The following RCBTB2 variants were observed in gnomAD, a reference collection of about 807,000 sequenced individuals.
The protein encoded by RCBTB2 is RCC1 and BTB domain containing protein 2, also known as RCC1 and BTB domain-containing protein 2.
In RCBTB2, 55 loss-of-function variants were observed where a neutral mutation model predicts 65.4. The ratio of observed to expected loss-of-function variants is 0.84; its 90% CI spans 0.68 to 1.05. RCBTB2 has a LOEUF of 1.05. Ranked by LOEUF, RCBTB2 falls within the 50% of genes least tolerant of loss-of-function variation. The probability of loss-of-function intolerance (pLI) is 0.00; values close to 1 mark genes in which losing one functional copy is unlikely to be tolerated. For synonymous variants in RCBTB2, 220 were observed against 255.2 expected, an observed-to-expected ratio of 0.86 and a Z score of 1.31; for missense variants, 599 against 680.1, an observed-to-expected ratio of 0.88 and a Z score of 1.33.
rs1949622165 is a variant in RCBTB2 at position 48,489,820 on chromosome 13, C to A, written c.*291G>T. ...GGGCCAGAATAGCATATACTGAGAC[C>A]AGGGTACCAAAGGTGTCCAATTTAA... On this transcript the variant is annotated 3_prime_UTR_variant, in exon 15 of 15. Coordinates refer to ENST00000344532, the MANE Select transcript of RCBTB2 (RefSeq NM_001268.4). The A allele has an allele frequency of 2.5e-6, 1 of 399,940 alleles. No individual in the cohort carries two copies. Among genetic ancestry groups the A allele is most frequent in the Non-Finnish European group, 4.6e-6 (1 of 217,856 alleles). The allele number at this position is 399,940 out of a possible 1,614,324, so 24.8% of individuals were successfully genotyped here.
At chr13:48,504,766 C>A (rs572208740) in intron 10 of RCBTB2, among the ~76,000 whole-genome samples, 1 of 152,362 alleles carries the variant, frequency 6.6e-6, no homozygotes, top group Admixed American at 6.5e-5. Flanking sequence ...CCCACTGACA[C>A]GGGCTAGCAC....
intron 13 of RCBTB2, among the ~76,000 whole-genome samples, chr13:48,497,802 A>G (rs1285449129): frequency 6.6e-6 from 1 of 152,240 alleles, no homozygotes; most frequent in African/African-American, 2.4e-5. Context: ...TATAGAGGAA[A>G]GACAGATAGC....
chr13:48,503,253 C>CA (rs1341546390), intron 10 of RCBTB2, among the ~76,000 whole-genome samples: 2 of 151,768 alleles, frequency 1.3e-5, no homozygotes, highest in Non-Finnish European at 1.5e-5. Flanking sequence ...TCCCCCCTAC[C>CA]AAAAAAGGGT....
At chr13:48,530,508 T>G (rs900935937) in intron 1 of RCBTB2, among the ~76,000 whole-genome samples, 1 of 152,274 alleles carries the variant, frequency 6.6e-6, no homozygotes, top group Non-Finnish European at 1.5e-5. Flanking sequence ...TAGTTAGGTC[T>G]ATCTGGTTCA....
At chr13:48,504,335 A>G (rs1950384691) in intron 10 of RCBTB2, 1 of 985,296 alleles carries the variant, frequency 1.0e-6, no homozygotes, top group African/African-American at 1.7e-5. Context: ...AACTCCATCC[A>G]TGATTTGGCG....
Position 48,525,646 on chromosome 13 carries a change from A to G in RCBTB2, c.-218-889T>C, listed in dbSNP as rs183795175. On this transcript the variant is annotated intron_variant, in intron 1 of 14. Transcript: ENST00000344532. ...CAATTTTAGCAACACTGCCCTAGAT[A>G]AACTCTAGAGCATACACACAAATAT... Among the ~76,000 whole-genome samples the G allele has an allele frequency of 4.6e-5, 7 of 152,010 alleles. No homozygotes were observed. The East Asian group carries it at 1.2e-3, about 25-fold the overall frequency.
In RCBTB2 at chr13:48,515,759, T is replaced by C. The variant is rs1394397881; in HGVS notation, c.43-18A>G. ...TGTACTGGCTGAAAAGGAAAAAATATATGTTGAAATGACAAATTAAAAAGT... is the reference window on the plus strand; with the variant it reads ...TGTACTGGCTGAAAAGGAAAAAATACATGTTGAAATGACAAATTAAAAAGT... On this transcript the variant is annotated intron_variant, in intron 4 of 14. Coordinates refer to ENST00000344532, the MANE Select transcript of RCBTB2 (RefSeq NM_001268.4). 1.3e-6 allele frequency: 2 copies of C among 1,586,938 alleles called. No homozygotes were observed. Among genetic ancestry groups the C allele is most frequent in the South Asian group, 1.2e-5 (1 of 86,482 alleles).
intron 1 of RCBTB2, among the ~76,000 whole-genome samples, chr13:48,525,236 A>G (rs1951644671): frequency 6.6e-6 from 1 of 151,532 alleles, no homozygotes; most frequent in African/African-American, 2.4e-5. Flanking sequence ...AAAATATGCC[A>G]CAGAATGGGG....
chr13:48,533,221 C>A, upstream of RCBTB2: 1 of 338,630 alleles, frequency 3.0e-6, no homozygotes, highest in Non-Finnish European at 5.8e-6. Flanking sequence ...CGGCGTCTCG[C>A]CCCTCCTCTC....
intron 10 of RCBTB2, among the ~76,000 whole-genome samples, chr13:48,505,807 C>T (rs1950473394): frequency 6.6e-6 from 1 of 152,152 alleles, no homozygotes; most frequent in Non-Finnish European, 1.5e-5. Flanking sequence ...GCAATCCTCT[C>T]ACGGTTTGTG....
At chr13:48,493,264 T>TACACACACACACACACACACAC (rs1566253976) in intron 14 of RCBTB2, among the ~76,000 whole-genome samples, 3 of 88,074 alleles carry the variant, frequency 3.4e-5, no homozygotes, top group South Asian at 3.3e-4. Context: ...CACACACTCT[T>TACACACACACACACACACACAC]CTCTCTCTCA....
chr13:48,501,945 T>C, intron 11 of RCBTB2, 77 bp from the exon 12 acceptor site: 1 of 1,267,104 alleles, frequency 7.9e-7, no homozygotes, highest in East Asian at 2.5e-5. Flanking sequence ...GGCACTACTC[T>C]ACTGGTACTC....
intron 4 of RCBTB2, among the ~76,000 whole-genome samples, chr13:48,515,956 C>A (rs769228635): frequency 1.3e-5 from 2 of 152,224 alleles, no homozygotes; most frequent in Non-Finnish European, 2.9e-5. Flanking sequence ...AACCAGGTCT[C>A]CCCTACTCAT....
intron 14 of RCBTB2, among the ~76,000 whole-genome samples, chr13:48,494,106 T>G (rs888298953): frequency 1.3e-5 from 2 of 152,236 alleles, no homozygotes; most frequent in Non-Finnish European, 2.9e-5. Flanking sequence ...AAGCTTCAGT[T>G]TTCTCATTTA....
chr13:48,512,060 C>T lies in RCBTB2; in HGVS notation c.631G>A (p.Ala211Thr), dbSNP rs1351383575. ...GCCATGCAGCACATCTGCCCACATG[C>T]TATGGTCACAACTACTTTATTTTGT... Reference protein sequence around the residue: ...CLQNKVVVTIACGQMCCMAVV... With the variant: ...CLQNKVVVTITCGQMCCMAVV... Residue 211 changes from alanine (A) to threonine (T), a missense_variant, in exon 8 of 15, where the codon GCA becomes ACA. By Grantham distance (58) the Ala-to-Thr change is moderately conservative. Coordinates refer to ENST00000344532, the MANE Select transcript of RCBTB2 (RefSeq NM_001268.4). The T allele has an allele frequency of 3.1e-6, 5 of 1,614,102 alleles. No individual in the cohort carries two copies. The highest frequency in any genetic ancestry group is 4.2e-6 in the Non-Finnish European group (5 of 1,180,038).
intron 2 of RCBTB2, 45 bp from the exon 3 acceptor site, chr13:48,522,448 G>T: frequency 1.2e-6 from 1 of 847,960 alleles, no homozygotes; most frequent in Non-Finnish European, 1.9e-6. Context: ...TGAAAAAAAT[G>T]AATGAATGAA....
At chr13:48,501,661 G>T in intron 12 of RCBTB2, 81 bp downstream of exon 12, 1 of 1,189,064 alleles carries the variant, frequency 8.4e-7, no homozygotes, top group Non-Finnish European at 1.2e-6. Flanking sequence ...TGATTACTGA[G>T]GTGCCTAATA....
At chr13:48,529,331 A>C (rs1428656703) in intron 1 of RCBTB2, among the ~76,000 whole-genome samples, 1 of 152,214 alleles carries the variant, frequency 6.6e-6, no homozygotes, top group Non-Finnish European at 1.5e-5. Flanking sequence ...TATTCCTTCA[A>C]CATGGCAGGC....
intron 10 of RCBTB2, among the ~76,000 whole-genome samples, chr13:48,509,483 C>T: frequency 6.6e-6 from 1 of 152,118 alleles, no homozygotes; most frequent in East Asian, 1.9e-4. Flanking sequence ...AGGACTGTCC[C>T]TTCTCTTCTG....
Sources: gnomAD v4.1 joint callset for allele counts (sites outside exome capture counted in the v4.1 genomes callset) on GRCh38, gnomAD v4.1.1 for gene constraint, MANE v1.5 for transcripts, NCBI Gene and HGNC (gene_info 2026-07-23, HGNC 2026-07-21) for gene names.